Variants in ZNF804B observed in about 807,000 individuals in gnomAD.
The protein encoded by ZNF804B is zinc finger protein 804B.
ZNF804B carries 80 observed loss-of-function variants against 101.4 expected under a neutral mutation model. That is an observed-to-expected ratio of 0.79 (90% CI 0.66 to 0.95). The LOEUF is 0.95. Ranked by LOEUF, ZNF804B falls within the 40% of genes least tolerant of loss-of-function variation. The probability of loss-of-function intolerance (pLI) is 0.00; values close to 1 mark genes in which losing one functional copy is unlikely to be tolerated. For missense variants in ZNF804B, 1,673 were observed against 1,561.9 expected (o/e 1.07, Z -1.20); for synonymous variants, 622 against 558.8 (o/e 1.11, Z -1.59).
At position 89,220,047 on chromosome 7, in the gene ZNF804B, A is replaced by ATATACGCACATATATGTG. The variant is rs1788971411; in HGVS notation, c.249+1756_249+1757insCGCACATATATGTGTATA. Among the ~76,000 whole-genome samples, 9 of 38,762 alleles carry ATATACGCACATATATGTG rather than the reference A, an allele frequency of 2.3e-4. 2 individuals carry two copies. Among genetic ancestry groups the ATATACGCACATATATGTG allele is most frequent in the Non-Finnish European group, 5.5e-5 (1 of 18,334 alleles). 25.4% of individuals were successfully genotyped at this position (38,762 alleles called of 152,430 possible). On this transcript the variant is annotated intron_variant, in intron 2 of 3. Coordinates refer to ENST00000333190, the MANE Select transcript of ZNF804B (RefSeq NM_181646.5). ...CATATATATACGCACATATATGTGC[A>ATATACGCACATATATGTG]TATATACATATATACGCACATATAT...
At chr7:88,883,402 T>C (rs1209802053) in intron 1 of ZNF804B, among the ~76,000 whole-genome samples, 1 of 152,088 alleles carries the variant, frequency 6.6e-6, no homozygotes, top group African/African-American at 2.4e-5. Context: ...TACCAGACAT[T>C]GTTACATAAG....
At chr7:88,875,774 A>G (rs777749288) in intron 1 of ZNF804B, among the ~76,000 whole-genome samples, 74 of 152,332 alleles carry the variant, frequency 4.9e-4, no homozygotes, top group Middle Eastern at 3.4e-3. Flanking sequence ...TATTCCAATC[A>G]ATAGAAAAAG....
chr7:89,270,055 ACT>A (rs1194278470), intron 2 of ZNF804B, among the ~76,000 whole-genome samples: 1 of 150,082 alleles, frequency 6.7e-6, no homozygotes, highest in Non-Finnish European at 1.5e-5. Context: ...CTGTGCAGAA[ACT>A]CTTTAGATTA....
At chr7:89,106,972 C>T (rs185149185) in intron 1 of ZNF804B, among the ~76,000 whole-genome samples, 5 of 152,064 alleles carry the variant, frequency 3.3e-5, no homozygotes, top group Admixed American at 3.3e-4. Context: ...AAATATTTAA[C>T]AGGAGTTGTA....
At chr7:88,869,325 T>A (rs940054352) in intron 1 of ZNF804B, among the ~76,000 whole-genome samples, 18 of 152,134 alleles carry the variant, frequency 1.2e-4, no homozygotes, top group African/African-American at 3.6e-4. Context: ...ATACCTACCT[T>A]GGGGCCCATC....
chr7:88,818,027 C>A (rs1352533476), intron 1 of ZNF804B, among the ~76,000 whole-genome samples: 1 of 152,068 alleles, frequency 6.6e-6, no homozygotes, highest in African/African-American at 2.4e-5. Flanking sequence ...TGTGCTCAGG[C>A]CACTTTATTT....
intron 2 of ZNF804B, among the ~76,000 whole-genome samples, chr7:89,246,805 T>C (rs1167689457): frequency 1.3e-5 from 2 of 152,018 alleles, no homozygotes; most frequent in African/African-American, 4.8e-5. Context: ...TACTCCATAC[T>C]TAGGCATATC....
chr7:89,155,267 G>A (rs898437494), intron 1 of ZNF804B, among the ~76,000 whole-genome samples: 6 of 152,032 alleles, frequency 3.9e-5, no homozygotes, highest in African/African-American at 1.2e-4. Flanking sequence ...ATCCAACAGA[G>A]CCATTTTATC....
At chr7:88,834,833 G>GA (rs1367871826) in intron 1 of ZNF804B, among the ~76,000 whole-genome samples, 1 of 151,340 alleles carries the variant, frequency 6.6e-6, no homozygotes, top group Non-Finnish European at 1.5e-5. Flanking sequence ...TAGCTCTTGG[G>GA]AAAAAATAAA....
chr7:89,014,605 C>G (rs559188451), intron 1 of ZNF804B, among the ~76,000 whole-genome samples: 1 of 152,118 alleles, frequency 6.6e-6, no homozygotes, highest in Non-Finnish European at 1.5e-5. Flanking sequence ...TGTGAGCCAC[C>G]GCGCCCAGCG....
At chr7:88,885,499 T>C (rs1792112304) in intron 1 of ZNF804B, among the ~76,000 whole-genome samples, 1 of 151,688 alleles carries the variant, frequency 6.6e-6, no homozygotes, top group Non-Finnish European at 1.5e-5. Context: ...TATATCATTT[T>C]CTATTAGAGA....
In ZNF804B at chr7:88,770,589, A is replaced by G. The variant is rs77815282; in HGVS notation, c.108+10505A>G. ...AAGACTGTTAATTCAACCTCACTCA[A>G]CCTTAACATGGATGAATATTTCCAA... On this transcript the variant is annotated intron_variant, in intron 1 of 3. Coordinates refer to ENST00000333190, the MANE Select transcript of ZNF804B (RefSeq NM_181646.5). 8.1e-4 allele frequency among the ~76,000 whole-genome samples: 124 copies of G among 152,280 alleles called. No homozygotes were observed. The East Asian group carries it at 8.7e-3, about 11-fold the overall frequency.
intron 1 of ZNF804B, among the ~76,000 whole-genome samples, chr7:89,179,901 T>G (rs558463499): frequency 6.6e-6 from 1 of 152,330 alleles, no homozygotes; most frequent in East Asian, 1.9e-4. Flanking sequence ...CTTATTGACT[T>G]GTAGAGATAC....
chr7:88,819,413 G>A (rs1790938608), intron 1 of ZNF804B, among the ~76,000 whole-genome samples: 1 of 152,120 alleles, frequency 6.6e-6, no homozygotes, highest in Non-Finnish European at 1.5e-5. Context: ...TTACAGGTGT[G>A]AGCCACCGTG....
chr7:89,256,448 G>C (rs2115801378), intron 2 of ZNF804B, among the ~76,000 whole-genome samples: 1 of 151,992 alleles, frequency 6.6e-6, no homozygotes, highest in African/African-American at 2.4e-5. Flanking sequence ...GGGAGACTGG[G>C]GTAGAAGGAT....
intron 1 of ZNF804B, among the ~76,000 whole-genome samples, chr7:88,772,451 T>C (rs1790083810): frequency 6.6e-6 from 1 of 152,078 alleles, no homozygotes; most frequent in African/African-American, 2.4e-5. Context: ...ATAGAGAAGG[T>C]GAGAAAGCAC....
At chr7:89,118,790 C>A (rs1348996599) in intron 1 of ZNF804B, among the ~76,000 whole-genome samples, 1 of 152,106 alleles carries the variant, frequency 6.6e-6, no homozygotes, top group Non-Finnish European at 1.5e-5. Flanking sequence ...TCATTAAGAA[C>A]TGCAAAATTT....
chr7:89,278,283 T>C (rs1790022940), intron 2 of ZNF804B, among the ~76,000 whole-genome samples: 1 of 151,952 alleles, frequency 6.6e-6, no homozygotes, highest in African/African-American at 2.4e-5. Context: ...GTGAAAAATT[T>C]CTCCCATTTT....
intron 1 of ZNF804B, among the ~76,000 whole-genome samples, chr7:88,935,066 C>T (rs1792947208): frequency 6.6e-6 from 1 of 151,260 alleles, no homozygotes; most frequent in African/African-American, 2.4e-5. Context: ...CACACATACA[C>T]ACATACACAT....
Sources: allele counts gnomAD v4.1 joint callset (sites outside exome capture counted in the v4.1 genomes callset), GRCh38; gene constraint gnomAD v4.1.1; transcripts MANE v1.5; gene names NCBI Gene and HGNC (gene_info 2026-07-23, HGNC 2026-07-21).